The following PDE10A variants were observed in gnomAD, a reference collection of about 807,000 sequenced individuals.
PDE10A encodes phosphodiesterase 10A.
A neutral mutation model predicts 97.7 loss-of-function variants in PDE10A; 39 were observed. That is an observed-to-expected ratio of 0.40 (90% CI 0.31 to 0.52). The LOEUF is 0.52. PDE10A is among the 20% of genes least tolerant of loss of function. PDE10A has a pLI of 0.56. For missense variants in PDE10A, 731 were observed against 1,047.8 expected (o/e 0.70, Z 4.17); for synonymous variants, 371 against 376.8 (o/e 0.98, Z 0.18).
At chr6:165,778,727 T>C (rs1331548248) in intron 1 of PDE10A, among the ~76,000 whole-genome samples, 1 of 152,252 alleles carries the variant, frequency 6.6e-6, no homozygotes, top group African/African-American at 2.4e-5. Context: ...TTAAATTGTA[T>C]CACTGTAGTT....
chr6:165,346,615 A>C (rs1782326590), intron 18 of PDE10A, among the ~76,000 whole-genome samples: 1 of 152,172 alleles, frequency 6.6e-6, no homozygotes, highest in Non-Finnish European at 1.5e-5. Flanking sequence ...ATGGAATCAC[A>C]GAACTTTACC....
intron 1 of PDE10A, among the ~76,000 whole-genome samples, chr6:165,692,589 G>A (rs1791332045): frequency 6.6e-6 from 1 of 152,150 alleles, no homozygotes; most frequent in Non-Finnish European, 1.5e-5. Context: ...TGCCTGTCCT[G>A]TGGCTAAAGC....
At chr6:165,987,740 G>T in exon 1 of PDE10A, 1 of 456,414 alleles carries the variant, frequency 2.2e-6, no homozygotes, top group Non-Finnish European at 4.4e-6. Context: ...CGCGCGCTCC[G>T]CTCAGCAGGC....
chr6:165,917,497 G>A (rs370736030), intron 1 of PDE10A, among the ~76,000 whole-genome samples: 2 of 152,306 alleles, frequency 1.3e-5, no homozygotes, highest in African/African-American at 4.8e-5. Context: ...AATGCCCCAC[G>A]CCTCAGGGGT....
chr6:165,529,182 A>T (rs766843095), intron 2 of PDE10A, among the ~76,000 whole-genome samples: 3 of 152,240 alleles, frequency 2.0e-5, no homozygotes, highest in Non-Finnish European at 4.4e-5. Flanking sequence ...CAACAAGCTA[A>T]GAATGGAGTT....
intron 2 of PDE10A, among the ~76,000 whole-genome samples, chr6:165,490,227 T>C (rs754267577): frequency 6.6e-6 from 1 of 152,170 alleles, no homozygotes; most frequent in African/African-American, 2.4e-5. Flanking sequence ...GAAAAACTTG[T>C]CAGACTAACA....
At chr6:165,901,428 G>A (rs1782102677) in intron 1 of PDE10A, among the ~76,000 whole-genome samples, 1 of 152,146 alleles carries the variant, frequency 6.6e-6, no homozygotes, top group Admixed American at 6.5e-5. Context: ...CAAAGCCCAG[G>A]TCCTCATCAG....
At position 165,619,074 on chromosome 6, in the gene PDE10A, G is replaced by GCAGTC. The variant is rs1562633687; in HGVS notation, c.865+42872_865+42873insGACTG. 1.7e-4 allele frequency among the ~76,000 whole-genome samples: 22 copies of GCAGTC among 127,108 alleles called. 3 individuals carry two copies. Among genetic ancestry groups the GCAGTC allele is most frequent in the Admixed American group, 2.2e-4 (3 of 13,794 alleles). The allele number at this position is 127,108 out of a possible 152,430, so 83.4% of individuals were successfully genotyped here. A position where few individuals can be genotyped will look rare whatever the true frequency, so the allele number is the denominator to read the frequency against. On this transcript the variant is annotated intron_variant, in intron 1 of 21. Coordinates refer to ENST00000539869, the MANE Select transcript of PDE10A (RefSeq NM_001385079.1). ...CTAGTGTGGTGTAGTGTAGTGTAGT[G>GCAGTC]TAGTCTAGTGTAGTCTAGTGTAGTG... is the stretch of plus-strand genomic sequence containing the variant.
chr6:165,428,828 C>T (rs1583267079), intron 9 of PDE10A, 119 bp from the exon 10 acceptor site: 2 of 499,840 alleles, frequency 4.0e-6, no homozygotes, highest in East Asian at 7.3e-5. Flanking sequence ...AGATAAATGT[C>T]ATTTGATTTT....
intron 1 of PDE10A, among the ~76,000 whole-genome samples, chr6:165,943,214 A>AAGGAAG (rs1562809625): frequency 2.3e-5 from 2 of 85,898 alleles, no homozygotes; most frequent in Non-Finnish European, 4.8e-5. Context: ...AAAGAAAGAA[A>AAGGAAG]GAAAGAAAGA....
chr6:165,653,280 T>C (rs904182903), intron 1 of PDE10A, among the ~76,000 whole-genome samples: 2 of 152,226 alleles, frequency 1.3e-5, no homozygotes, highest in African/African-American at 4.8e-5. Context: ...GAATGAAACA[T>C]GCTTCCTACC....
intron 1 of PDE10A, among the ~76,000 whole-genome samples, chr6:165,810,783 G>A (rs941016649): frequency 6.6e-6 from 1 of 151,958 alleles, no homozygotes; most frequent in African/African-American, 2.4e-5. Context: ...GTTTTTGTTG[G>A]GCTTTACCCT....
chr6:165,591,398 G>C (rs1562609707), intron 1 of PDE10A, among the ~76,000 whole-genome samples: 1 of 152,224 alleles, frequency 6.6e-6, no homozygotes, highest in Non-Finnish European at 1.5e-5. Flanking sequence ...TGATTGTATA[G>C]TTGGTGTCAA....
intron 1 of PDE10A, among the ~76,000 whole-genome samples, chr6:165,854,141 C>T (rs1448934799): frequency 2.6e-5 from 4 of 152,174 alleles, no homozygotes; most frequent in African/African-American, 9.6e-5. Flanking sequence ...GTGCCACGGG[C>T]GCAGCGCAGC....
Position 165,798,408 on chromosome 6 carries a change from G to A in PDE10A, c.-615+189121C>T, listed in dbSNP as rs114970350. Among the ~76,000 whole-genome samples, 901 of 152,246 alleles carry A rather than the reference G, an allele frequency of 5.9e-3. 9 individuals carry two copies. Among genetic ancestry groups the A allele is most frequent in the African/African-American group, 0.02 (848 of 41,548 alleles). ...CCTGTTGCAAGACCCACTGGGTCCCGGTGCTAAGTCATTCTGTCCTTCTGT... is the reference window on the plus strand; with the variant it reads ...CCTGTTGCAAGACCCACTGGGTCCCAGTGCTAAGTCATTCTGTCCTTCTGT... On this transcript the variant is annotated intron_variant, in intron 1 of 19. Transcript: ENST00000366882.
intron 1 of PDE10A, among the ~76,000 whole-genome samples, chr6:165,953,770 T>A (rs1784045651): frequency 6.6e-6 from 1 of 152,230 alleles, no homozygotes; most frequent in Non-Finnish European, 1.5e-5. Context: ...CTAAAGTGCG[T>A]AGCTTACATC....
chr6:165,958,244 C>T (rs1049377387), intron 1 of PDE10A, among the ~76,000 whole-genome samples: 3 of 152,002 alleles, frequency 2.0e-5, no homozygotes, highest in African/African-American at 4.8e-5. Flanking sequence ...CAGCAAAGCC[C>T]GCCAGGCAGG....
At chr6:165,987,245 G>A (rs939908174) in intron 1 of PDE10A, among the ~76,000 whole-genome samples, 6 of 152,162 alleles carry the variant, frequency 3.9e-5, no homozygotes, top group East Asian at 1.9e-4. Flanking sequence ...GTTGGCGCTG[G>A]GGCGGGCTGC....
chr6:165,897,704 G>A lies in PDE10A; in HGVS notation c.-615+89825C>T, dbSNP rs895997320. Reference sequence around the variant, plus strand: ...GACCTGTTCATCTTGGAGTTCCGACGTGTCCTCTGGGAATCCTGGCACACA... The same window carrying A: ...GACCTGTTCATCTTGGAGTTCCGACATGTCCTCTGGGAATCCTGGCACACA... On this transcript the variant is annotated intron_variant, in intron 1 of 19. Transcript: ENST00000366882. Among the ~76,000 whole-genome samples, 98 of 149,502 alleles carry A rather than the reference G, an allele frequency of 6.6e-4. 1 individual carries two copies. The highest frequency in any genetic ancestry group is 7.4e-5 in the African/African-American group (3 of 40,446).
Sources: allele counts gnomAD v4.1 joint callset (sites outside exome capture counted in the v4.1 genomes callset), GRCh38; gene constraint gnomAD v4.1.1; transcripts MANE v1.5; gene names NCBI Gene and HGNC (gene_info 2026-07-23, HGNC 2026-07-21).